The following CLCA2 variants were observed in gnomAD, a reference collection of about 807,000 sequenced individuals.
CLCA2 encodes the protein chloride channel accessory 2.
Under a neutral mutation model 82.9 loss-of-function variants are expected in CLCA2, and 85 were observed. The ratio of observed to expected loss-of-function variants is 1.03; its 90% CI spans 0.86 to 1.23. The LOEUF (loss-of-function observed/expected upper bound fraction) is 1.23. Among genes scored for constraint, CLCA2 ranks in the 50% most tolerant of loss-of-function variants. CLCA2 has a pLI of 0.00. For synonymous variants in CLCA2, 421 were observed against 391.7 expected (o/e 1.07, Z -0.88); for missense variants, 1,089 against 1,124.8 (o/e 0.97, Z 0.45).
chr1:86,443,502 G>A (rs1050603609), intron 9 of CLCA2, among the ~76,000 whole-genome samples: 1 of 152,174 alleles, frequency 6.6e-6, no homozygotes, highest in African/African-American at 2.4e-5. Context: ...GCCAATGTTG[G>A]TTTGGATAAG....
intron 2 of CLCA2, among the ~76,000 whole-genome samples, chr1:86,426,465 A>G (rs1662389260): frequency 1.3e-5 from 2 of 152,268 alleles, no homozygotes; most frequent in African/African-American, 2.4e-5. Flanking sequence ...TGTCCTGAAG[A>G]AGTTAAAGAG....
At chr1:86,448,672 G>T (rs2101710215) in intron 11 of CLCA2, among the ~76,000 whole-genome samples, 1 of 152,308 alleles carries the variant, frequency 6.6e-6, no homozygotes, top group East Asian at 1.9e-4. Flanking sequence ...CTTAAGTTTG[G>T]TAGCCCATCA....
intron 11 of CLCA2, among the ~76,000 whole-genome samples, chr1:86,449,966 C>A (rs1038026114): frequency 2.6e-5 from 4 of 152,174 alleles, no homozygotes; most frequent in Non-Finnish European, 5.9e-5. Context: ...ACAGTAGATG[C>A]TACCAAATTC....
At chr1:86,450,854 T>C in intron 12 of CLCA2, 121 bp downstream of exon 12, 1 of 839,166 alleles carries the variant, frequency 1.2e-6, no homozygotes, top group Non-Finnish European at 1.7e-6. Flanking sequence ...CTCTTTACGC[T>C]TAAGTCCATA....
chr1:86,440,291 A>C lies in CLCA2; in HGVS notation c.1347A>C (p.Ala449=). 1 of 1,614,092 alleles carries C rather than the reference A, an allele frequency of 6.2e-7. No individual in the cohort carries two copies. Among genetic ancestry groups the C allele is most frequent in the Non-Finnish European group, 8.5e-7 (1 of 1,180,000 alleles). The change falls in exon 8 of 14, where the codon GCA becomes GCC. Residue 449 remains alanine, a synonymous_variant. Transcript: ENST00000370565. ...ACTCCATTGCCCTGGGTTCATCTGC[A>C]GCCCCAAATCTGGAGGAATTATCAC... ...TIHSIALGSS[A]APNLEELSRL... is the part of the protein sequence containing the mutation.
At chr1:86,440,546 A>G (rs1039698548) in intron 8 of CLCA2, among the ~76,000 whole-genome samples, 6 of 152,152 alleles carry the variant, frequency 3.9e-5, no homozygotes, top group Admixed American at 3.9e-4. Flanking sequence ...AATATTTTAT[A>G]ATTCTGTGTT....
chr1:86,433,158 A>T (rs978127411), intron 5 of CLCA2, among the ~76,000 whole-genome samples: 7 of 152,236 alleles, frequency 4.6e-5, no homozygotes, highest in African/African-American at 1.7e-4. Flanking sequence ...AGCAGCCTGG[A>T]ACAGCCAATT....
intron 9 of CLCA2, among the ~76,000 whole-genome samples, chr1:86,442,565 T>C (rs1570262479): frequency 6.6e-6 from 1 of 152,214 alleles, no homozygotes; most frequent in African/African-American, 2.4e-5. Flanking sequence ...GCATAGCATG[T>C]GGCCCAGCCA....
chr1:86,441,330 A>C, intron 8 of CLCA2, 107 bp from the exon 9 acceptor site: 1 of 675,856 alleles, frequency 1.5e-6, no homozygotes, highest in Non-Finnish European at 2.4e-6. Context: ...CCATTTCCCC[A>C]AAACAAACAC....
chr1:86,440,510 G>T (rs935219633), intron 8 of CLCA2, among the ~76,000 whole-genome samples, 185 bp downstream of exon 8: 34 of 152,012 alleles, frequency 2.2e-4, no homozygotes, highest in African/African-American at 7.5e-4. Flanking sequence ...TTCCCTAAAG[G>T]TTCCAACTAT....
chr1:86,428,406 C>A lies in CLCA2; in HGVS notation c.325-12C>A, dbSNP rs754043145. 2 of 1,580,008 alleles carry A rather than the reference C, an allele frequency of 1.3e-6. No homozygotes were observed. Among genetic ancestry groups the A allele is most frequent in the Admixed American group, 3.7e-5 (2 of 54,540 alleles). On this transcript the variant is annotated splice_polypyrimidine_tract_variant and intron_variant, in intron 2 of 13. Coordinates refer to ENST00000370565, the MANE Select transcript of CLCA2 (RefSeq NM_006536.7). Reference sequence around the variant, plus strand: ...GCTGAGAAAGTATTACAAGGCATTTCTTTTAATTTAGGCAAATGTCATAGT... The same window carrying A: ...GCTGAGAAAGTATTACAAGGCATTTATTTTAATTTAGGCAAATGTCATAGT...
chr1:86,441,100 T>C (rs908757226), intron 8 of CLCA2, among the ~76,000 whole-genome samples: 1 of 152,344 alleles, frequency 6.6e-6, no homozygotes, highest in Admixed American at 6.5e-5. Flanking sequence ...AGAATATAAA[T>C]GTAAACATAT....
chr1:86,437,897 TA>T (rs140440981), intron 6 of CLCA2, among the ~76,000 whole-genome samples: 15,797 of 144,382 alleles, frequency 0.11, 965 homozygotes, highest in African/African-American at 0.17. Context: ...AAACTGAAGC[TA>T]AAAAAAAAAA....
Position 86,450,533 on chromosome 1 carries a change from G to T in CLCA2, c.1985-30G>T, listed in dbSNP as rs756828826. ...TATTAGTAATCTACTATAATAACAA[G>T]TGTTGACACTGTGTTTTTTATATAT... is the stretch of plus-strand genomic sequence containing the variant. On this transcript the variant is annotated intron_variant, in intron 11 of 13. Coordinates refer to ENST00000370565, the MANE Select transcript of CLCA2 (RefSeq NM_006536.7). 11 of 1,559,174 alleles carry T rather than the reference G, an allele frequency of 7.1e-6. No homozygotes were observed. In the East Asian group the frequency reaches 2.5e-4, roughly 35 times the overall value.
intron 9 of CLCA2, among the ~76,000 whole-genome samples, chr1:86,442,471 C>A (rs1428336764): frequency 1.3e-5 from 2 of 152,184 alleles, no homozygotes; most frequent in African/African-American, 4.8e-5. Context: ...ACTTGCCCCC[C>A]TCCCGACAAG....
At chr1:86,439,205 G>T in intron 7 of CLCA2, 99 bp downstream of exon 7, 1 of 1,025,494 alleles carries the variant, frequency 9.8e-7, no homozygotes, top group Non-Finnish European at 1.5e-6. Flanking sequence ...GTTACAGGGT[G>T]GTCATAACAG....
chr1:86,437,374 ATG>A (rs1480274197), intron 6 of CLCA2, among the ~76,000 whole-genome samples: 1 of 152,176 alleles, frequency 6.6e-6, no homozygotes, highest in Non-Finnish European at 1.5e-5. Flanking sequence ...CTCCACAGAG[ATG>A]TGAGTTACTA....
At chr1:86,435,794 T>G (rs1045151930) in intron 6 of CLCA2, among the ~76,000 whole-genome samples, 1 of 152,178 alleles carries the variant, frequency 6.6e-6, no homozygotes, top group Non-Finnish European at 1.5e-5. Flanking sequence ...AACGAATATA[T>G]GAAATACTCA....
At position 86,428,401 on chromosome 1, in the gene CLCA2, C is replaced by A. The variant is rs765101294; in HGVS notation, c.325-17C>A. On this transcript the variant is annotated splice_polypyrimidine_tract_variant and intron_variant, in intron 2 of 13. Transcript: ENST00000370565. ...ACAGAGCTGAGAAAGTATTACAAGG[C>A]ATTTCTTTTAATTTAGGCAAATGTC... The A allele has an allele frequency of 4.4e-6, 7 of 1,575,954 alleles. No homozygotes were observed. Among genetic ancestry groups the A allele is most frequent in the African/African-American group, 1.4e-5 (1 of 73,514 alleles).
Sources: allele counts gnomAD v4.1 joint callset (sites outside exome capture counted in the v4.1 genomes callset), GRCh38; gene constraint gnomAD v4.1.1; transcripts MANE v1.5; gene names NCBI Gene and HGNC (gene_info 2026-07-23, HGNC 2026-07-21).